MAPKAP1: variants seen among roughly 807,000 people sequenced by gnomAD.
MAPKAP1 encodes target of rapamycin complex 2 subunit MAPKAP1.
A neutral mutation model predicts 65.7 loss-of-function variants in MAPKAP1; 20 were observed. That is an observed-to-expected ratio of 0.30 (90% CI 0.21 to 0.44). The LOEUF is 0.44. Among genes scored for constraint, MAPKAP1 ranks in the 20% least tolerant of loss-of-function variants. The probability of loss-of-function intolerance (pLI) is 1.00; values close to 1 mark genes in which losing one functional copy is unlikely to be tolerated. For synonymous variants in MAPKAP1, 222 were observed against 244.3 expected (o/e 0.91, Z 0.85); for missense variants, 423 against 648.0 (o/e 0.65, Z 3.77).
chr9:125,664,865 T>C (rs974000959), intron 3 of MAPKAP1, among the ~76,000 whole-genome samples: 4 of 152,122 alleles, frequency 2.6e-5, no homozygotes, highest in African/African-American at 9.7e-5. Context: ...TATAAAGTCT[T>C]TGGGGTCAAA....
chr9:125,663,348 T>A (rs1834244193), intron 3 of MAPKAP1, among the ~76,000 whole-genome samples: 1 of 152,204 alleles, frequency 6.6e-6, no homozygotes, highest in Non-Finnish European at 1.5e-5. Context: ...TCTCCCGATA[T>A]ATGCATGACT....
At chr9:125,559,601 A>T in intron 6 of MAPKAP1, 32 bp downstream of exon 6, 1 of 1,575,122 alleles carries the variant, frequency 6.3e-7, no homozygotes. Context: ...TTGGGATGAG[A>T]TACCGAGAGA....
intron 8 of MAPKAP1, among the ~76,000 whole-genome samples, chr9:125,497,708 TG>T (rs1157040583): frequency 2.0e-5 from 3 of 152,264 alleles, no homozygotes; most frequent in African/African-American, 7.2e-5. Flanking sequence ...TTCTAATGAC[TG>T]TGCTTTAAGC....
chr9:125,481,019 C>T lies in MAPKAP1; in HGVS notation c.1207+3424G>A, dbSNP rs544881265. On this transcript the variant is annotated intron_variant, in intron 9 of 11. Coordinates refer to ENST00000265960, the MANE Select transcript of MAPKAP1 (RefSeq NM_001006617.3). ...AAAAAAAAGAATATGCTTCTATGGG[C>T]CAGACACTTTCATAGAATGTTAAAA... Among the ~76,000 whole-genome samples, 43 of 149,426 alleles carry T rather than the reference C, an allele frequency of 2.9e-4. No individual in the cohort carries two copies. In the East Asian group the frequency reaches 8.0e-3, roughly 28 times the overall value.
At chr9:125,611,516 A>C (rs571110914) in intron 4 of MAPKAP1, among the ~76,000 whole-genome samples, 1 of 152,326 alleles carries the variant, frequency 6.6e-6, no homozygotes, top group East Asian at 1.9e-4. Flanking sequence ...GCAATGTCTG[A>C]AAAGACAGTG....
intron 1 of MAPKAP1, among the ~76,000 whole-genome samples, chr9:125,701,347 G>A (rs1835590885): frequency 6.6e-6 from 1 of 152,194 alleles, no homozygotes; most frequent in African/African-American, 2.4e-5. Context: ...ATTACGAATT[G>A]AATTTCAGCA....
At chr9:125,481,263 T>C (rs1854305279) in intron 9 of MAPKAP1, among the ~76,000 whole-genome samples, 1 of 152,192 alleles carries the variant, frequency 6.6e-6, no homozygotes, top group Admixed American at 6.5e-5. Flanking sequence ...TTGTCTTTTT[T>C]GCCTTTGGAA....
chr9:125,624,500 C>T (rs1245350929), intron 4 of MAPKAP1, among the ~76,000 whole-genome samples: 2 of 92,344 alleles, frequency 2.2e-5, no homozygotes, highest in Non-Finnish European at 4.9e-5. Flanking sequence ...TCTGCCCGGC[C>T]GCCCCTACTG....
At chr9:125,533,817 A>T (rs549450121) in intron 7 of MAPKAP1, among the ~76,000 whole-genome samples, 4 of 152,216 alleles carry the variant, frequency 2.6e-5, no homozygotes, top group Non-Finnish European at 5.9e-5. Flanking sequence ...CAAGCAATCC[A>T]TATTTAAAAT....
chr9:125,548,820 T>C (rs1459532541), intron 6 of MAPKAP1, among the ~76,000 whole-genome samples: 1 of 152,214 alleles, frequency 6.6e-6, no homozygotes, highest in African/African-American at 2.4e-5. Context: ...TGTTTAATCC[T>C]CCTAGAAAAG....
At chr9:125,611,187 G>A (rs1234511349) in intron 4 of MAPKAP1, among the ~76,000 whole-genome samples, 1 of 152,152 alleles carries the variant, frequency 6.6e-6, no homozygotes, top group Non-Finnish European at 1.5e-5. Context: ...GGTGCTCACT[G>A]AACTTTTACT....
intron 8 of MAPKAP1, among the ~76,000 whole-genome samples, chr9:125,496,998 C>A (rs1828826868): frequency 6.6e-6 from 1 of 152,106 alleles, no homozygotes; most frequent in South Asian, 2.1e-4. Context: ...CTTGGCAAAT[C>A]CATTCAGGGG....
intron 1 of MAPKAP1, among the ~76,000 whole-genome samples, chr9:125,679,692 A>G (rs1411595): frequency 0.92 from 139,258 of 152,184 alleles, 64,884 homozygotes; most frequent in East Asian, 1. Flanking sequence ...AACTCACTAC[A>G]AGCAAACAAG....
intron 7 of MAPKAP1, among the ~76,000 whole-genome samples, chr9:125,530,328 C>T (rs1829900077): frequency 6.6e-6 from 1 of 152,200 alleles, no homozygotes; most frequent in South Asian, 2.1e-4. Flanking sequence ...ACATGCAACA[C>T]TCTAATCCTG....
chr9:125,475,084 C>T (rs1308393115), intron 9 of MAPKAP1, among the ~76,000 whole-genome samples: 3 of 152,240 alleles, frequency 2.0e-5, no homozygotes, highest in African/African-American at 7.2e-5. Context: ...TTAATGAGAC[C>T]TTAGAGATCA....
chr9:125,446,760 CT>C (rs1275940680), intron 10 of MAPKAP1, among the ~76,000 whole-genome samples: 2 of 152,200 alleles, frequency 1.3e-5, no homozygotes, highest in Non-Finnish European at 2.9e-5. Flanking sequence ...TCACTGACCA[CT>C]TTGATAAGAC....
At chr9:125,601,840 C>T (rs753196994) in intron 4 of MAPKAP1, among the ~76,000 whole-genome samples, 2 of 152,144 alleles carry the variant, frequency 1.3e-5, no homozygotes, top group Non-Finnish European at 2.9e-5. Context: ...ACACAAAGAA[C>T]CTACACCTCT....
intron 4 of MAPKAP1, among the ~76,000 whole-genome samples, chr9:125,645,800 T>C (rs1000656400): frequency 6.6e-6 from 1 of 150,590 alleles, no homozygotes; most frequent in Non-Finnish European, 1.5e-5. Flanking sequence ...AAATGCATTA[T>C]AATCAACTCA....
chr9:125,585,470 CT>C (rs1831752826), intron 5 of MAPKAP1, 84 bp downstream of exon 5: 7 of 1,465,152 alleles, frequency 4.8e-6, no homozygotes, highest in Non-Finnish European at 6.6e-6. Context: ...AGGCCAATGC[CT>C]AGAAAGACTA....
Sources: gnomAD v4.1 joint callset for allele counts (sites outside exome capture counted in the v4.1 genomes callset) on GRCh38, gnomAD v4.1.1 for gene constraint, MANE v1.5 for transcripts, NCBI Gene and HGNC (gene_info 2026-07-23, HGNC 2026-07-21) for gene names.